Variants in R3HCC1L observed in about 807,000 individuals in gnomAD.
The protein encoded by R3HCC1L is R3H domain and coiled-coil containing 1 like.
R3HCC1L carries 51 observed loss-of-function variants against 59.9 expected under a neutral mutation model. That is an observed-to-expected ratio of 0.85 (90% confidence interval 0.68 to 1.07). The LOEUF is 1.07. R3HCC1L is among the 50% of genes least tolerant of loss of function. The pLI is 0.00. For missense variants in R3HCC1L, 965 were observed against 933.0 expected (o/e 1.03, Z -0.45); for synonymous variants, 322 against 315.2 (o/e 1.02, Z -0.23).
At chr10:98,184,849 C>T (rs528815066) in intron 4 of R3HCC1L, among the ~76,000 whole-genome samples, 1 of 152,230 alleles carries the variant, frequency 6.6e-6, no homozygotes, top group East Asian at 1.9e-4. Flanking sequence ...GTAGTAATTA[C>T]AAAATTTTTT....
intron 4 of R3HCC1L, among the ~76,000 whole-genome samples, chr10:98,206,000 A>T (rs1389111533): frequency 1.3e-5 from 2 of 152,168 alleles, no homozygotes; most frequent in African/African-American, 4.8e-5. Context: ...ATTTCTAACA[A>T]TTGGTTCTGG....
At chr10:98,185,571 G>C (rs1564662678) in intron 4 of R3HCC1L, among the ~76,000 whole-genome samples, 2 of 152,118 alleles carry the variant, frequency 1.3e-5, no homozygotes, top group East Asian at 3.9e-4. Flanking sequence ...CAGTAGCTAA[G>C]ATGGAAAACA....
At chr10:98,150,943 A>AT (rs1554831394) in intron 1 of R3HCC1L, among the ~76,000 whole-genome samples, 1 of 151,850 alleles carries the variant, frequency 6.6e-6, no homozygotes, top group Non-Finnish European at 1.5e-5. Flanking sequence ...TGTCCACCTT[A>AT]TTCTCTTTTT....
At chr10:98,135,730 AT>A (rs1463079955) in intron 1 of R3HCC1L, among the ~76,000 whole-genome samples, 2 of 152,194 alleles carry the variant, frequency 1.3e-5, no homozygotes, top group African/African-American at 4.8e-5. Flanking sequence ...GCCCACCAGA[AT>A]TTAGACTCTT....
intron 4 of R3HCC1L, among the ~76,000 whole-genome samples, chr10:98,191,051 C>G (rs1850785908): frequency 6.6e-6 from 1 of 152,116 alleles, no homozygotes; most frequent in South Asian, 2.1e-4. Flanking sequence ...TCCAGTTTAT[C>G]ATTGATGGAC....
intron 4 of R3HCC1L, among the ~76,000 whole-genome samples, chr10:98,196,849 C>T (rs570061936): frequency 3.3e-5 from 5 of 152,118 alleles, no homozygotes; most frequent in East Asian, 1.9e-4. Flanking sequence ...AAATAAAATC[C>T]GAAGCTCTTG....
At chr10:98,210,618 A>G (rs574349944) in intron 5 of R3HCC1L, among the ~76,000 whole-genome samples, 16 of 152,278 alleles carry the variant, frequency 1.1e-4, no homozygotes, top group Admixed American at 3.3e-4. Context: ...TTCCTTCCCT[A>G]TAGTGGGTTC....
At chr10:98,189,695 TATA>T (rs902271173) in intron 4 of R3HCC1L, among the ~76,000 whole-genome samples, 5 of 152,228 alleles carry the variant, frequency 3.3e-5, no homozygotes, top group Admixed American at 1.3e-4. Context: ...ATCATTGTAT[TATA>T]ATAACTAGTG....
In R3HCC1L at chr10:98,209,268, G is replaced by C; in HGVS notation, c.1154G>C (p.Cys385Ser). 1 of 1,613,934 alleles carries C rather than the reference G, an allele frequency of 6.2e-7. No individual in the cohort carries two copies. Among genetic ancestry groups the C allele is most frequent in the South Asian group, 1.1e-5 (1 of 91,070 alleles). The part of the protein sequence containing the change: ...ACMMDTTGMS[C>S]SDHVTVDSPY... ...ATGATGGACACTACAGGTATGTCCT[G>C]TAGTGATCATGTAACTGTTGATAGC... Residue 385 changes from cysteine to serine, a missense_variant, in exon 5 of 10, where the codon TGT becomes TCT. Transcript: ENST00000298999.
At chr10:98,151,824 G>A (rs1846187182) in intron 1 of R3HCC1L, among the ~76,000 whole-genome samples, 1 of 152,076 alleles carries the variant, frequency 6.6e-6, no homozygotes, top group African/African-American at 2.4e-5. Flanking sequence ...ATATGAATTG[G>A]GATTAGATTT....
In R3HCC1L at chr10:98,177,369, C is replaced by A. The variant is rs561623978; in HGVS notation, c.-15+13972C>A. On this transcript the variant is annotated intron_variant, in intron 4 of 9. Coordinates refer to ENST00000298999, the MANE Select transcript of R3HCC1L (RefSeq NM_001351015.2). ...TACAAAGGACATGAACTCATCCTTT[C>A]TTTTGGCTGCGTGGTATTCCATGGT... Among the ~76,000 whole-genome samples the A allele has an allele frequency of 3.1e-4, 47 of 152,228 alleles. 1 individual carries two copies. Among genetic ancestry groups the A allele is most frequent in the African/African-American group, 1.1e-3 (47 of 41,544 alleles).
chr10:98,168,662 C>T (rs1048883949), intron 4 of R3HCC1L, among the ~76,000 whole-genome samples: 14 of 152,142 alleles, frequency 9.2e-5, no homozygotes, highest in African/African-American at 3.4e-4. Context: ...ATGTCCAAGG[C>T]AGAGGCAGAC....
chr10:98,151,145 C>G (rs1425448677), intron 1 of R3HCC1L, among the ~76,000 whole-genome samples: 3 of 152,100 alleles, frequency 2.0e-5, no homozygotes, highest in Non-Finnish European at 2.9e-5. Flanking sequence ...AATCTCAGCA[C>G]TTTGTATTTG....
At chr10:98,140,232 A>G (rs1372371523) in intron 1 of R3HCC1L, among the ~76,000 whole-genome samples, 1 of 152,206 alleles carries the variant, frequency 6.6e-6, no homozygotes, top group Non-Finnish European at 1.5e-5. Flanking sequence ...GATTTCTCAA[A>G]TTGTATGCCA....
chr10:98,225,847 C>CT (rs994612278), intron 5 of R3HCC1L, among the ~76,000 whole-genome samples: 198 of 148,868 alleles, frequency 1.3e-3, no homozygotes, highest in Middle Eastern at 6.9e-3. Context: ...CTTTTTGTAA[C>CT]TTTTTTTTTT....
At chr10:98,163,469 T>G in intron 4 of R3HCC1L, 72 bp downstream of exon 4, 2 of 1,004,294 alleles carry the variant, frequency 2.0e-6, no homozygotes, top group Non-Finnish European at 2.8e-6. Context: ...TTTGCTTGTA[T>G]TTTGTTTCTT....
At chr10:98,229,660 G>T (rs1364464191) in intron 5 of R3HCC1L, among the ~76,000 whole-genome samples, 1 of 152,148 alleles carries the variant, frequency 6.6e-6, no homozygotes, top group Non-Finnish European at 1.5e-5. Flanking sequence ...TCTTGTGCCA[G>T]TTTTCAAAGG....
chr10:98,203,198 A>G (rs1852236492), intron 4 of R3HCC1L, among the ~76,000 whole-genome samples: 1 of 152,220 alleles, frequency 6.6e-6, no homozygotes, highest in Non-Finnish European at 1.5e-5. Flanking sequence ...GCAAAGGGCC[A>G]TGATGTCTGT....
rs190456992 is a variant in R3HCC1L at position 98,208,734 on chromosome 10, T to C, written c.620T>C (p.Ile207Thr). ...AFEDKDLEGR[I>T]ETDTKVLEIL... ...GAAGACAAAGATTTGGAAGGCAGAA[T>C]TGAAACTGATACCAAGGTTTTGGAG... is the stretch of plus-strand genomic sequence containing the variant. Residue 207 changes from isoleucine (I) to threonine (T), a missense_variant, in exon 5 of 10, where the codon ATT (isoleucine) becomes ACT (threonine). Transcript: ENST00000298999. The C allele has an allele frequency of 6.6e-5, 107 of 1,614,154 alleles. No individual in the cohort carries two copies. The Admixed American group carries it at 8.2e-4, about 12-fold the overall frequency.
Sources: gnomAD v4.1 joint callset for allele counts (sites outside exome capture counted in the v4.1 genomes callset) on GRCh38, gnomAD v4.1.1 for gene constraint, MANE v1.5 for transcripts, NCBI Gene and HGNC (gene_info 2026-07-23, HGNC 2026-07-21) for gene names.